NELFA: variants seen among roughly 807,000 people sequenced by gnomAD.
The protein encoded by NELFA is negative elongation factor complex member A.
Under a neutral mutation model 51.8 loss-of-function variants are expected in NELFA, and 35 were observed. The ratio of observed to expected loss-of-function variants is 0.68; its 90% confidence interval spans 0.52 to 0.90. The LOEUF (loss-of-function observed/expected upper bound fraction) is 0.90. Ranked by LOEUF, NELFA falls within the 40% of genes least tolerant of loss-of-function variation. NELFA has a pLI of 0.00. For synonymous variants in NELFA, 417 were observed against 338.4 expected (o/e 1.23, Z -2.55); for missense variants, 658 against 746.4 (o/e 0.88, Z 1.38).
rs549287826 is a variant in NELFA, at chr4:1,986,779, CCT to C, written c.635-379_635-378del. Among the ~76,000 whole-genome samples the C allele has an allele frequency of 1.8e-3, 271 of 152,252 alleles. 1 individual carries two copies. Among genetic ancestry groups the C allele is most frequent in the Non-Finnish European group, 2.8e-3 (189 of 68,010 alleles). ...GCCCTCCCAAGCCTTCTCCCCGTCC[CCT>C]GAGGACACTCCTGAGGCCTACCTAC... is the stretch of plus-strand genomic sequence containing the variant. On this transcript the variant is annotated intron_variant, in intron 4 of 10. Coordinates refer to ENST00000382882, the MANE Select transcript of NELFA (RefSeq NM_005663.5).
At chr4:1,987,558 A>G in intron 4 of NELFA, 1 of 220,084 alleles carries the variant, frequency 4.5e-6, no homozygotes, top group Non-Finnish European at 8.9e-6. Flanking sequence ...CGAGCTGGGA[A>G]GGCCGAGAGC....
At chr4:1,987,677 C>A in intron 4 of NELFA, 1 of 536,896 alleles carries the variant, frequency 1.9e-6, no homozygotes, top group Non-Finnish European at 3.3e-6. Flanking sequence ...TGTCTCCGTG[C>A]CCAGCACTGT....
At chr4:2,001,902 C>CAGAAAAA (rs1728576174) in intron 1 of NELFA, among the ~76,000 whole-genome samples, 2 of 112,920 alleles carry the variant, frequency 1.8e-5, no homozygotes, top group Non-Finnish European at 3.7e-5. Flanking sequence ...GACTCTGTCT[C>CAGAAAAA]AAAAGAAAAA....
intron 8 of NELFA, among the ~76,000 whole-genome samples, chr4:1,984,469 C>G (rs1728018405): frequency 5.3e-5 from 8 of 152,146 alleles, no homozygotes. Flanking sequence ...TGCCCTCCGT[C>G]TGGGAGGGGA....
At chr4:2,006,622 T>G (rs1399392100) in intron 1 of NELFA, among the ~76,000 whole-genome samples, 2 of 151,426 alleles carry the variant, frequency 1.3e-5, no homozygotes, top group Non-Finnish European at 2.9e-5. Flanking sequence ...TGCACAAAAA[T>G]TAGCCAGGCG....
chr4:2,008,631 A>T (rs1486743688), intron 1 of NELFA, 119 bp downstream of exon 1: 8 of 1,067,186 alleles, frequency 7.5e-6, no homozygotes, highest in Non-Finnish European at 1.0e-5. Context: ...GGGGGTTAAC[A>T]GTCTGAAGGG....
intron 4 of NELFA, among the ~76,000 whole-genome samples, chr4:1,987,057 C>T (rs542937283): frequency 2.8e-4 from 43 of 152,252 alleles, no homozygotes; most frequent in African/African-American, 1.0e-3. Context: ...ACCTCGGCTG[C>T]GGTGGGCAGG....
intron 7 of NELFA, among the ~76,000 whole-genome samples, chr4:1,985,245 A>T (rs495367): frequency 1.4e-4 from 22 of 152,100 alleles, no homozygotes; most frequent in Non-Finnish European, 2.8e-4. Flanking sequence ...GTTAAGAAAC[A>T]CAGAACACGC....
At chr4:2,006,796 G>T (rs1342047183) in intron 1 of NELFA, among the ~76,000 whole-genome samples, 1 of 138,252 alleles carries the variant, frequency 7.2e-6, no homozygotes, top group East Asian at 2.1e-4. Flanking sequence ...AAAAAAAAAG[G>T]ATTCCAGGAA....
At chr4:2,008,540 C>T (rs1475082716) in intron 1 of NELFA, among the ~76,000 whole-genome samples, 1 of 94,710 alleles carries the variant, frequency 1.1e-5, no homozygotes, top group East Asian at 3.0e-4. Context: ...AGGATCGAGG[C>T]GGGGGATGAG....
chr4:1,986,810 G>A (rs1728118011), intron 4 of NELFA, among the ~76,000 whole-genome samples: 2 of 152,258 alleles, frequency 1.3e-5, no homozygotes, highest in South Asian at 2.1e-4. Context: ...TACCTACGCT[G>A]TTACCCACCA....
At chr4:1,983,559 G>A in intron 10 of NELFA, 37 bp downstream of exon 10, 1 of 1,612,474 alleles carries the variant, frequency 6.2e-7, no homozygotes, top group African/African-American at 1.3e-5. Flanking sequence ...CCCCAACCCG[G>A]CCCGGTGCAC....
intron 4 of NELFA, among the ~76,000 whole-genome samples, chr4:1,987,340 G>A (rs949959694): frequency 6.6e-6 from 1 of 152,206 alleles, no homozygotes; most frequent in African/African-American, 2.4e-5. Context: ...AGTATGCCCT[G>A]CCATGGTTCC....
At position 2,008,905 on chromosome 4, in the gene NELFA, C is replaced by A; in HGVS notation, c.55G>T (p.Ala19Ser). The stretch of plus-strand genomic sequence containing the variant: ...GGCGGCGCCCACAGCTCGTCCGTGG[C>A]CCCCAGCTTGTTGTGCAGCCACAGG... ...TGLWLHNKLG[A>S]TDELWAPPSI... is the part of the protein sequence containing the mutation. The change falls in exon 1 of 11, where the codon GCC becomes TCC. Residue 19 changes from alanine to serine, a missense_variant. Around this residue, in one of 3 missense-constraint regions of NELFA, gnomAD observed 371 missense variants for 448.3 expected, o/e 0.83. Transcript: ENST00000382882. The A allele has an allele frequency of 6.3e-7, 1 of 1,582,802 alleles. No individual in the cohort carries two copies. Among genetic ancestry groups the A allele is most frequent in the African/African-American group, 1.3e-5 (1 of 74,692 alleles).
chr4:1,998,059 G>C (rs1728478737), intron 1 of NELFA, among the ~76,000 whole-genome samples: 1 of 151,824 alleles, frequency 6.6e-6, no homozygotes, highest in Admixed American at 6.6e-5. Context: ...ACATGACTAC[G>C]GCAAGGAAAA....
chr4:1,991,689 G>C lies in NELFA; in HGVS notation c.237C>G (p.Ile79Met), dbSNP rs760766481. ...GGTCCGAGTCGAGGCTGGCGAGCTG[G>C]ATGATCTCCATTAGGGCGCCCTTCA... ...DEMKGALMEI[I>M]QLASLDSDPW... Residue 79 changes from isoleucine (I) to methionine (M), a missense_variant, in exon 2 of 11, where the codon ATC becomes ATG. Transcript: ENST00000382882. 3 of 1,611,250 alleles carry C rather than the reference G, an allele frequency of 1.9e-6. No homozygotes were observed. In the South Asian group the frequency reaches 3.3e-5, roughly 18 times the overall value.
intron 4 of NELFA, chr4:1,987,562 CGA>C (rs1728142588): frequency 1.3e-5 from 3 of 230,270 alleles, no homozygotes; most frequent in Non-Finnish European, 2.5e-5. Context: ...CTGGGAAGGC[CGA>C]GAGCCACCGG....
intron 4 of NELFA, chr4:1,986,625 G>A (rs1490087975): frequency 5.5e-5 from 32 of 581,566 alleles, no homozygotes; most frequent in South Asian, 3.0e-4. Flanking sequence ...CAAAGACAGC[G>A]GCACCCCAGC....
chr4:1,991,272 C>T (rs529232442), intron 2 of NELFA, among the ~76,000 whole-genome samples: 201 of 152,250 alleles, frequency 1.3e-3, no homozygotes, highest in African/African-American at 4.7e-3. Context: ...CGGAGCCGAC[C>T]AGAGAGAGAC....
Sources: allele counts gnomAD v4.1 joint callset (sites outside exome capture counted in the v4.1 genomes callset), GRCh38; gene constraint gnomAD v4.1.1; regional missense constraint gnomAD v4.1.1; transcripts MANE v1.5; gene names NCBI Gene and HGNC (gene_info 2026-07-23, HGNC 2026-07-21).